The following ZCCHC9 variants were observed in gnomAD, a reference collection of about 807,000 sequenced individuals.
ZCCHC9 encodes zinc finger CCHC-type containing 9, also known as zinc finger CCHC domain-containing protein 9.
In ZCCHC9, 18 loss-of-function variants were observed where a neutral mutation model predicts 30.8. The ratio of observed to expected loss-of-function variants is 0.58; its 90% CI spans 0.40 to 0.87. ZCCHC9 has a LOEUF of 0.87. Among genes scored for constraint, ZCCHC9 ranks in the 40% least tolerant of loss-of-function variants. The pLI, the probability that ZCCHC9 is intolerant of heterozygous loss-of-function variation, is 0.00. For missense variants in ZCCHC9, 279 were observed against 331.2 expected (o/e 0.84, Z 1.22); for synonymous variants, 94 against 106.7 (o/e 0.88, Z 0.73).
chr5:81,309,250 G>A, intron 4 of ZCCHC9: 1 of 420,818 alleles, frequency 2.4e-6, no homozygotes, highest in Non-Finnish European at 4.2e-6. Context: ...AAACTAAGGT[G>A]TATATTTCCA....
At chr5:81,309,219 G>A (rs1173707093) in intron 4 of ZCCHC9, 181 bp downstream of exon 4, 4 of 465,860 alleles carry the variant, frequency 8.6e-6, no homozygotes, top group Admixed American at 3.9e-5. Flanking sequence ...GACTTCAGAT[G>A]TTAATAAAAC....
At position 81,304,800 on chromosome 5, in the gene ZCCHC9, C is replaced by T. The variant is rs16878594; in HGVS notation, c.43C>T (p.Pro15Ser). Residue 15 changes from proline (P) to serine (S), a missense_variant, in exon 2 of 6, where the codon CCC becomes TCC. Pro to Ser is a moderately conservative substitution (Grantham distance 74). Transcript: ENST00000407610. ...ARVSTTYNKR[P>S]LPATSWEDMK... Reference sequence around the variant, plus strand: ...AGTTAGTACCACATATAACAAGAGACCCTTGCCTGCAACATCATGGGAGGA... The same window carrying T: ...AGTTAGTACCACATATAACAAGAGATCCTTGCCTGCAACATCATGGGAGGA... The T allele has an allele frequency of 2.5e-6, 4 of 1,611,464 alleles. No homozygotes were observed. Among genetic ancestry groups the T allele is most frequent in the South Asian group, 1.1e-5 (1 of 90,418 alleles).
At position 81,305,074 on chromosome 5, in the gene ZCCHC9, C is replaced by T; in HGVS notation, c.317C>T (p.Ala106Val). 1 of 1,610,808 alleles carries T rather than the reference C, an allele frequency of 6.2e-7. No individual in the cohort carries two copies. The highest frequency in any genetic ancestry group is 8.5e-7 in the Non-Finnish European group (1 of 1,179,302). Residue 106 changes from alanine (A) to valine (V), a missense_variant, in exon 2 of 6, where the codon GCT becomes GTT. By Grantham distance (64) the Ala-to-Val change is moderately conservative. Coordinates refer to ENST00000407610, the MANE Select transcript of ZCCHC9 (RefSeq NM_001131035.2). ...SEEVREEIAV[A>V]LKKDSRREGR... ...GAAGTAAGGGAAGAAATTGCAGTTGCTTTAAAGAAAGACAGTCGACGGGAA... is the reference window on the plus strand; with the variant it reads ...GAAGTAAGGGAAGAAATTGCAGTTGTTTTAAAGAAAGACAGTCGACGGGAA...
At position 81,305,508 on chromosome 5, in the gene ZCCHC9, A is replaced by G. The variant is rs150104683; in HGVS notation, c.384+367A>G. Among the ~76,000 whole-genome samples the G allele has an allele frequency of 2.6e-5, 4 of 152,068 alleles. No individual in the cohort carries two copies. The East Asian group carries it at 7.7e-4, about 29-fold the overall frequency. ...TGTGGTGGCCCATGCCCGTGATCCC[A>G]GCACTTTAGGAAGCTGAGGCGGGAG... On this transcript the variant is annotated intron_variant, in intron 2 of 5. Coordinates refer to ENST00000407610, the MANE Select transcript of ZCCHC9 (RefSeq NM_001131035.2).
At chr5:81,307,253 CAACT>C (rs1325662379) in intron 2 of ZCCHC9, among the ~76,000 whole-genome samples, 1 of 152,162 alleles carries the variant, frequency 6.6e-6, no homozygotes, top group Non-Finnish European at 1.5e-5. Flanking sequence ...TTTCTGTAAA[CAACT>C]AACCATTGCT....
intron 5 of ZCCHC9, among the ~76,000 whole-genome samples, chr5:81,312,224 C>T (rs1758311713): frequency 6.6e-6 from 1 of 152,144 alleles, no homozygotes; most frequent in African/African-American, 2.4e-5. Flanking sequence ...GCTTCATAAG[C>T]CTTGCTGTTT....
rs75735242 is a variant in ZCCHC9 at position 81,307,261 on chromosome 5, C to T, written c.385-1300C>T. On this transcript the variant is annotated intron_variant, in intron 2 of 5. Transcript: ENST00000407610. ...CTTCAAATTTCTGTAAACAACTAACCATTGCTCAGTTTTATGTTGGAGCCA... is the reference window on the plus strand; with the variant it reads ...CTTCAAATTTCTGTAAACAACTAACTATTGCTCAGTTTTATGTTGGAGCCA... Among the ~76,000 whole-genome samples, 847 of 152,274 alleles carry T rather than the reference C, an allele frequency of 5.6e-3. 2 individuals are homozygous for T. Among genetic ancestry groups the T allele is most frequent in the Non-Finnish European group, 9.7e-3 (662 of 68,018 alleles).
chr5:81,310,644 T>C (rs1231385792), intron 4 of ZCCHC9, among the ~76,000 whole-genome samples: 9 of 152,208 alleles, frequency 5.9e-5, no homozygotes, highest in African/African-American at 2.2e-4. Context: ...TTCACAATCC[T>C]GGAATGTTGT....
chr5:81,311,959 G>T (rs1313695351), intron 5 of ZCCHC9, among the ~76,000 whole-genome samples: 4 of 152,046 alleles, frequency 2.6e-5, no homozygotes, highest in Non-Finnish European at 5.9e-5. Flanking sequence ...TTTATTTCAC[G>T]TAGTCACAAC....
chr5:81,309,245 A>G, intron 4 of ZCCHC9: 1 of 436,284 alleles, frequency 2.3e-6, no homozygotes, highest in Non-Finnish European at 4.0e-6. Flanking sequence ...AGAAAAAACT[A>G]AGGTGTATAT....
At position 81,312,730 on chromosome 5, in the gene ZCCHC9, T is replaced by G; in HGVS notation, c.*68T>G. The stretch of plus-strand genomic sequence containing the variant: ...TCTAAACCAGGCCCGCTTCACGAGT[T>G]AGAGTTGAGCTCCCCTGTAGCCAGG... On this transcript the variant is annotated 3_prime_UTR_variant, in exon 6 of 6. Transcript: ENST00000407610. 1 of 1,181,386 alleles carries G rather than the reference T, an allele frequency of 8.5e-7. No homozygotes were observed. The highest frequency in any genetic ancestry group is 1.2e-6 in the Non-Finnish European group (1 of 800,142). 73.2% of individuals were successfully genotyped at this position (1,181,386 alleles called of 1,614,324 possible). A position where few individuals can be genotyped will look rare whatever the true frequency, so the allele number is the denominator to read the frequency against.
chr5:81,308,556 C>A lies in ZCCHC9; in HGVS notation c.385-5C>A. 1 of 1,608,212 alleles carries A rather than the reference C, an allele frequency of 6.2e-7. No homozygotes were observed. The highest frequency in any genetic ancestry group is 1.3e-5 in the African/African-American group (1 of 74,812). Reference sequence around the variant, plus strand: ...AGCGTGCCAACCTACGTTTTGTTTTCCTAGGTGTGTTTCCATTGTAGAAAA... The same window carrying A: ...AGCGTGCCAACCTACGTTTTGTTTTACTAGGTGTGTTTCCATTGTAGAAAA... On this transcript the variant is annotated splice_region_variant and splice_polypyrimidine_tract_variant and intron_variant, in intron 2 of 5. Transcript: ENST00000407610.
chr5:81,312,472 A>T lies in ZCCHC9; in HGVS notation c.698-72A>T, dbSNP rs113840081. On this transcript the variant is annotated intron_variant, in intron 5 of 5. Transcript: ENST00000407610. ...ATATCAAAATGAGTTCCTTTCCCAA[A>T]CCAATAACAATCTGAGTGGATGCAT... 2.4e-6 allele frequency: 3 copies of T among 1,233,142 alleles called. No homozygotes were observed. In the African/African-American group the frequency reaches 4.5e-5, roughly 19 times the overall value. The allele number at this position is 1,233,142 out of a possible 1,614,324, so 76.4% of individuals were successfully genotyped here.
At chr5:81,308,037 C>CTATCTATT (rs1384238569) in intron 2 of ZCCHC9, among the ~76,000 whole-genome samples, 1 of 137,666 alleles carries the variant, frequency 7.3e-6, no homozygotes, top group East Asian at 2.2e-4. Flanking sequence ...ATCTATCTAT[C>CTATCTATT]TATCTATCTA....
chr5:81,304,570 T>G (rs1177124209), intron 1 of ZCCHC9, 171 bp from the exon 2 acceptor site: 1 of 505,916 alleles, frequency 2.0e-6, no homozygotes, highest in Non-Finnish European at 3.3e-6. Context: ...ATGCAGCATA[T>G]TATAGCATTA....
At chr5:81,303,247 T>A (rs995088682) in intron 1 of ZCCHC9, 2 of 151,456 alleles carry the variant, frequency 1.3e-5, no homozygotes, top group East Asian at 3.9e-4. Context: ...TTGACCATGT[T>A]GGCCAGGATG....
chr5:81,305,549 G>T (rs1282823337), intron 2 of ZCCHC9, among the ~76,000 whole-genome samples: 1 of 150,168 alleles, frequency 6.7e-6, no homozygotes, highest in East Asian at 1.9e-4. Flanking sequence ...CTTGAGCCCA[G>T]GAATTAAAGA....
At chr5:81,311,148 T>C in intron 4 of ZCCHC9, 63 bp from the exon 5 acceptor site, 1 of 1,558,020 alleles carries the variant, frequency 6.4e-7, no homozygotes, top group Non-Finnish European at 8.9e-7. Context: ...TGAAAGTGCT[T>C]TGAGATGTTA....
chr5:81,303,868 T>C (rs931030787), intron 1 of ZCCHC9: 1 of 152,254 alleles, frequency 6.6e-6, no homozygotes, highest in Non-Finnish European at 1.5e-5. Context: ...TCTTTGATTA[T>C]GGCTGAATGT....
Sources: allele counts gnomAD v4.1 joint callset (sites outside exome capture counted in the v4.1 genomes callset), GRCh38; gene constraint gnomAD v4.1.1; transcripts MANE v1.5; gene names NCBI Gene and HGNC (gene_info 2026-07-23, HGNC 2026-07-21).